The following DPP6 variants were observed in gnomAD, a reference collection of about 807,000 sequenced individuals.
DPP6 encodes A-type potassium channel modulatory protein DPP6.
In DPP6, 69 loss-of-function variants were observed where a neutral mutation model predicts 122.6. That is an observed-to-expected ratio of 0.56 (90% CI 0.46 to 0.69). The LOEUF (loss-of-function observed/expected upper bound fraction) is 0.69. Among genes scored for constraint, DPP6 ranks in the 30% least tolerant of loss-of-function variants. The pLI is 0.00. For synonymous variants in DPP6, 418 were observed against 433.1 expected (o/e 0.97, Z 0.43); for missense variants, 928 against 1,116.9 (o/e 0.83, Z 2.41).
intron 1 of DPP6, among the ~76,000 whole-genome samples, chr7:154,208,199 G>A (rs1799553648): frequency 6.6e-6 from 1 of 152,172 alleles, no homozygotes; most frequent in South Asian, 2.1e-4. Flanking sequence ...TGGAACTCTG[G>A]ACCCCATAAT....
chr7:154,656,504 G>A (rs970441550), intron 6 of DPP6, among the ~76,000 whole-genome samples: 2 of 152,252 alleles, frequency 1.3e-5, no homozygotes, highest in South Asian at 2.1e-4. Flanking sequence ...CCAGCACGGG[G>A]AGGCCACGGA....
At chr7:154,839,090 C>T (rs139977802) in intron 16 of DPP6, among the ~76,000 whole-genome samples, 27 of 152,232 alleles carry the variant, frequency 1.8e-4, no homozygotes, top group Middle Eastern at 3.4e-3. Context: ...GTAATAAGAA[C>T]AAGAAATACA....
In DPP6 at chr7:154,791,589, G is replaced by A. The variant is rs938731232; in HGVS notation, c.1137-2490G>A. 9.2e-5 allele frequency among the ~76,000 whole-genome samples: 14 copies of A among 152,274 alleles called. No individual in the cohort carries two copies. In the South Asian group the frequency reaches 1.9e-3, roughly 20 times the overall value. On this transcript the variant is annotated intron_variant, in intron 10 of 25. Transcript: ENST00000377770. ...ATTACAATTCAAGGTGAGATTTGCC[G>A]GGGGGACATGGCCAAACCATATCAG...
chr7:154,628,910 T>C (rs532162450), intron 5 of DPP6, among the ~76,000 whole-genome samples: 1 of 152,346 alleles, frequency 6.6e-6, no homozygotes, highest in East Asian at 1.9e-4. Context: ...ATGAGGCATC[T>C]GTTTCCTGGT....
intron 1 of DPP6, among the ~76,000 whole-genome samples, chr7:153,923,283 A>T (rs556745210): frequency 6.6e-6 from 1 of 152,214 alleles, no homozygotes; most frequent in Non-Finnish European, 1.5e-5. Flanking sequence ...GGTGAACATA[A>T]CATCCATGGC....
At chr7:154,208,231 A>C (rs1357681514) in intron 1 of DPP6, among the ~76,000 whole-genome samples, 2 of 152,222 alleles carry the variant, frequency 1.3e-5, no homozygotes, top group Non-Finnish European at 2.9e-5. Flanking sequence ...TCACTACTGG[A>C]ATGCCTCATA....
At chr7:154,756,029 G>A (rs990601077) in intron 8 of DPP6, among the ~76,000 whole-genome samples, 6 of 152,244 alleles carry the variant, frequency 3.9e-5, no homozygotes, top group African/African-American at 1.4e-4. Context: ...AAAACAATGA[G>A]CCTTCTTGGC....
At chr7:153,857,889 C>T in the DPP6 span, among the ~76,000 whole-genome samples, 34 of 152,156 alleles carry the variant, frequency 2.2e-4, no homozygotes, top group Middle Eastern at 3.4e-3. Context: ...TTGTCCTTTC[C>T]GTAAATGAAG....
chr7:154,523,547 C>T (rs1255297397), intron 3 of DPP6, among the ~76,000 whole-genome samples: 1 of 152,206 alleles, frequency 6.6e-6, no homozygotes. Context: ...TTCCCTTATT[C>T]AGTCTCAAAA....
At chr7:153,924,292 A>G (rs1800787705) in intron 1 of DPP6, among the ~76,000 whole-genome samples, 1 of 152,114 alleles carries the variant, frequency 6.6e-6, no homozygotes, top group African/African-American at 2.4e-5. Context: ...GTATTTTAGT[A>G]GAGACGAGGT....
intron 1 of DPP6, among the ~76,000 whole-genome samples, chr7:153,935,171 C>T (rs2129014691): frequency 6.6e-6 from 1 of 152,184 alleles, no homozygotes. Context: ...ACTTGCTGGG[C>T]TCTGCGGGGC....
chr7:154,820,112 G>T (rs1371556520), intron 16 of DPP6, among the ~76,000 whole-genome samples: 1 of 152,224 alleles, frequency 6.6e-6, no homozygotes, highest in Non-Finnish European at 1.5e-5. Context: ...CATTCACGGA[G>T]GGAGTGGCTC....
At chr7:154,229,662 C>G (rs6962060) in intron 1 of DPP6, among the ~76,000 whole-genome samples, 2,227 of 152,200 alleles carry the variant, frequency 0.015, 47 homozygotes, top group African/African-American at 0.051. Context: ...GCATTTCTTC[C>G]ATAAACTTTT....
At chr7:154,541,069 A>C (rs1365913458) in intron 4 of DPP6, among the ~76,000 whole-genome samples, 1 of 152,226 alleles carries the variant, frequency 6.6e-6, no homozygotes, top group Non-Finnish European at 1.5e-5. Context: ...TATGCCTCAA[A>C]GTAAATACTG....
At chr7:154,647,782 G>A (rs1836584783) in intron 6 of DPP6, among the ~76,000 whole-genome samples, 2 of 152,182 alleles carry the variant, frequency 1.3e-5, no homozygotes, top group South Asian at 2.1e-4. Flanking sequence ...TTGTGCTGGT[G>A]AATCAGCACG....
At chr7:154,303,384 C>A (rs1011914551) in intron 1 of DPP6, among the ~76,000 whole-genome samples, 1 of 152,142 alleles carries the variant, frequency 6.6e-6, no homozygotes, top group Non-Finnish European at 1.5e-5. Context: ...GCCTCCATGA[C>A]AGGTTTGCTT....
At chr7:154,651,926 G>A (rs1180875301) in intron 6 of DPP6, among the ~76,000 whole-genome samples, 4 of 152,148 alleles carry the variant, frequency 2.6e-5, no homozygotes, top group Admixed American at 2.0e-4. Context: ...TGAATAACAC[G>A]ATGATTTCAG....
intron 1 of DPP6, among the ~76,000 whole-genome samples, chr7:154,143,170 T>G (rs1375934562): frequency 6.6e-6 from 1 of 151,848 alleles, no homozygotes; most frequent in Non-Finnish European, 1.5e-5. Context: ...TTATGAGTCC[T>G]GAAAGGAGAG....
chr7:154,446,067 G>T, intron 1 of DPP6, 147 bp from the exon 2 acceptor site: 1 of 566,050 alleles, frequency 1.8e-6, no homozygotes, highest in Non-Finnish European at 3.1e-6. Flanking sequence ...GGGTACAAAA[G>T]GGAACTAATA....
Sources: allele counts gnomAD v4.1 joint callset (sites outside exome capture counted in the v4.1 genomes callset), GRCh38; gene constraint gnomAD v4.1.1; transcripts MANE v1.5; gene names NCBI Gene and HGNC (gene_info 2026-07-23, HGNC 2026-07-21).